Variants in SPATA13 observed in about 807,000 individuals in gnomAD.
The protein encoded by SPATA13 is spermatogenesis associated 13.
Under a neutral mutation model 104.0 loss-of-function variants are expected in SPATA13, and 50 were observed. That is an observed-to-expected ratio of 0.48 (90% CI 0.38 to 0.61). SPATA13 has a LOEUF of 0.61. Among genes scored for constraint, SPATA13 ranks in the 20% least tolerant of loss-of-function variants. SPATA13 has a pLI of 0.00. For synonymous variants in SPATA13, 606 were observed against 667.5 expected (o/e 0.91, Z 1.42); for missense variants, 1,524 against 1,690.6 (o/e 0.90, Z 1.73).
intron 3 of SPATA13, among the ~76,000 whole-genome samples, chr13:24,096,694 AG>A (rs141933654): frequency 0.046 from 7,048 of 152,164 alleles, 382 homozygotes; most frequent in African/African-American, 0.14. Flanking sequence ...ATTAGACATG[AG>A]GGGGAGTCAC....
At chr13:24,221,607 G>A (rs893746458) in intron 1 of SPATA13, among the ~76,000 whole-genome samples, 1 of 151,998 alleles carries the variant, frequency 6.6e-6, no homozygotes, top group Non-Finnish European at 1.5e-5. Context: ...GGACACAGGT[G>A]TGTGGGGAAG....
Position 24,122,020 on chromosome 13 carries a change from A to G in SPATA13, c.-111-100799A>G. ...TTCTGGAACCACTGCTAGGACGAAC[A>G]CAAGCTCTTCACTACAATCACACAG... On this transcript the variant is annotated intron_variant, in intron 3 of 14. Coordinates refer to the SPATA13 transcript ENST00000424834. 6 of 1,333,784 alleles carry G rather than the reference A, an allele frequency of 4.5e-6. No homozygotes were observed. In the South Asian group the frequency reaches 4.7e-5, roughly 10 times the overall value. 82.6% of individuals were successfully genotyped at this position (1,333,784 alleles called of 1,614,324 possible).
Position 24,305,892 on chromosome 13 carries a change from A to C in SPATA13, c.*3119A>C, listed in dbSNP as rs972001947. 3 of 152,194 alleles carry C rather than the reference A, an allele frequency of 2.0e-5. No individual in the cohort carries two copies. The highest frequency in any genetic ancestry group is 7.2e-5 in the African/African-American group (3 of 41,454). 9.4% of individuals were successfully genotyped at this position (152,194 alleles called of 1,614,324 possible). A position where few individuals can be genotyped will look rare whatever the true frequency, so the allele number is the denominator to read the frequency against. On this transcript the variant is annotated 3_prime_UTR_variant, in exon 13 of 13. Transcript: ENST00000382108. ...TTAAAAGCAATTATAAAATCATAAA[A>C]TTGAATGTTTGCAGAATCCTGGAGC...
intron 3 of SPATA13, among the ~76,000 whole-genome samples, chr13:24,063,940 CT>C (rs1394931873): frequency 3.3e-5 from 5 of 152,272 alleles, no homozygotes; most frequent in South Asian, 2.1e-4. Flanking sequence ...CCCTGCCTGC[CT>C]CCTTTCTGAG....
intron 3 of SPATA13, among the ~76,000 whole-genome samples, chr13:24,047,698 C>G (rs954022360): frequency 7.2e-5 from 11 of 152,186 alleles, no homozygotes; most frequent in Non-Finnish European, 1.6e-4. Flanking sequence ...TATTTTATCT[C>G]TTTTTCATGT....
rs766482360 is a variant in SPATA13 at position 24,286,183 on chromosome 13, A to G, written c.2302-31A>G. The G allele has an allele frequency of 1.3e-6, 2 of 1,587,112 alleles. No individual in the cohort carries two copies. Among genetic ancestry groups the G allele is most frequent in the Admixed American group, 1.7e-5 (1 of 58,174 alleles). On this transcript the variant is annotated intron_variant, in intron 5 of 12. Transcript: ENST00000382108. The surrounding 1 kb of genome is among the most constrained non-coding windows in gnomAD (Gnocchi z 4.9). ...TCACCATCCCGCCCACTCGTGCTCTATGCTGAGCGCACCCCACTGTCTCCT... is the reference window on the plus strand; with the variant it reads ...TCACCATCCCGCCCACTCGTGCTCTGTGCTGAGCGCACCCCACTGTCTCCT...
chr13:24,209,778 A>T (rs1370908864), intron 1 of SPATA13, among the ~76,000 whole-genome samples: 1 of 151,916 alleles, frequency 6.6e-6, no homozygotes, highest in East Asian at 1.9e-4. Flanking sequence ...TTGGATATAT[A>T]CCCAGTATTG....
intron 3 of SPATA13, among the ~76,000 whole-genome samples, chr13:24,060,421 A>G (rs1878731979): frequency 6.6e-6 from 1 of 152,234 alleles, no homozygotes; most frequent in Non-Finnish European, 1.5e-5. Flanking sequence ...TACACCATGT[A>G]AAAATGTAAC....
intron 3 of SPATA13, among the ~76,000 whole-genome samples, chr13:24,020,769 C>G (rs1280961613): frequency 6.6e-6 from 1 of 152,084 alleles, no homozygotes; most frequent in African/African-American, 2.4e-5. Flanking sequence ...TTGGGCCGGG[C>G]GAGATGACTC....
At chr13:24,015,005 C>T (rs1289531259) in intron 2 of SPATA13, among the ~76,000 whole-genome samples, 5 of 151,036 alleles carry the variant, frequency 3.3e-5, no homozygotes, top group Non-Finnish European at 7.4e-5. Context: ...ATTCTCCTGC[C>T]TCAGCCTCCC....
chr13:24,068,584 C>T (rs149681085), intron 3 of SPATA13, among the ~76,000 whole-genome samples: 330 of 152,330 alleles, frequency 2.2e-3, no homozygotes, highest in African/African-American at 7.4e-3. Flanking sequence ...AACTAATTTA[C>T]GCTTTCACTG....
intron 4 of SPATA13, among the ~76,000 whole-genome samples, chr13:24,279,817 CTT>C (rs1275963006): frequency 6.6e-6 from 1 of 152,208 alleles, no homozygotes; most frequent in Non-Finnish European, 1.5e-5. Context: ...GGCTCCATGA[CTT>C]TCCCTCGTCC....
At chr13:24,268,065 A>G (rs993460520) in intron 4 of SPATA13, among the ~76,000 whole-genome samples, 1 of 152,224 alleles carries the variant, frequency 6.6e-6, no homozygotes, top group African/African-American at 2.4e-5. Context: ...GCCAGAGGAT[A>G]CTTTCTTTTG....
chr13:24,004,148 G>A (rs978576242), intron 2 of SPATA13, among the ~76,000 whole-genome samples: 1 of 152,054 alleles, frequency 6.6e-6, no homozygotes, highest in South Asian at 2.1e-4. Context: ...GGTGAAACAC[G>A]GCTTTAAAAA....
intron 3 of SPATA13, among the ~76,000 whole-genome samples, chr13:24,105,508 C>T (rs1880414486): frequency 6.6e-6 from 1 of 150,534 alleles, no homozygotes; most frequent in Non-Finnish European, 1.5e-5. Context: ...ATTGCCAGCA[C>T]CAAGCACAAT....
chr13:24,105,481 G>T (rs1343297763), intron 3 of SPATA13, among the ~76,000 whole-genome samples: 1 of 149,476 alleles, frequency 6.7e-6, no homozygotes, highest in Non-Finnish European at 1.5e-5. Context: ...CTTCTCAGTG[G>T]CAGGAGTCAT....
intron 3 of SPATA13, among the ~76,000 whole-genome samples, chr13:24,100,757 T>C (rs547794985): frequency 3.4e-4 from 52 of 152,316 alleles, no homozygotes; most frequent in African/African-American, 1.2e-3. Context: ...TGCTCTTACC[T>C]GAGCTCCTCA....
At chr13:24,290,179 G>A (rs965033601) in intron 8 of SPATA13, among the ~76,000 whole-genome samples, 6 of 152,208 alleles carry the variant, frequency 3.9e-5, no homozygotes, top group African/African-American at 1.4e-4. Flanking sequence ...GGCCCAGCCA[G>A]GGTGACGGCA....
At chr13:24,056,261 A>G (rs764923739) in intron 3 of SPATA13, among the ~76,000 whole-genome samples, 2 of 152,222 alleles carry the variant, frequency 1.3e-5, no homozygotes, top group Admixed American at 6.5e-5. Context: ...GCCTCAGTGA[A>G]TATCTACTAT....
Sources: gnomAD v4.1 joint callset for allele counts (sites outside exome capture counted in the v4.1 genomes callset) on GRCh38, gnomAD v4.1.1 for gene constraint, Gnocchi (gnomAD v3.1) non-coding constraint, MANE v1.5 for transcripts, NCBI Gene and HGNC (gene_info 2026-07-23, HGNC 2026-07-21) for gene names.